The following TMEM232 variants were observed in gnomAD, a reference collection of about 807,000 sequenced individuals.
The protein encoded by TMEM232 is transmembrane protein 232.
TMEM232 carries 80 observed loss-of-function variants against 78.8 expected under a neutral mutation model. That is an observed-to-expected ratio of 1.01 (90% CI 0.85 to 1.22). The LOEUF (loss-of-function observed/expected upper bound fraction) is 1.22. Among genes scored for constraint, TMEM232 ranks in the 50% most tolerant of loss-of-function variants. The pLI is 0.00. For missense variants in TMEM232, 881 were observed against 742.2 expected (o/e 1.19, Z -2.17); for synonymous variants, 297 against 254.3 (o/e 1.17, Z -1.60).
At chr5:110,532,430 A>T (rs1447399911) in intron 11 of TMEM232, among the ~76,000 whole-genome samples, 1 of 150,336 alleles carries the variant, frequency 6.7e-6, no homozygotes, top group Non-Finnish European at 1.5e-5. Context: ...GAGGCTACCC[A>T]CTCCACATTA....
chr5:110,691,416 C>T (rs753206386), intron 1 of TMEM232, among the ~76,000 whole-genome samples: 3 of 152,164 alleles, frequency 2.0e-5, no homozygotes, highest in Non-Finnish European at 2.9e-5. Flanking sequence ...GAAGGAGCTA[C>T]AAAAGGGATG....
At chr5:110,468,409 ATAC>A (rs1762326093) in intron 12 of TMEM232, among the ~76,000 whole-genome samples, 1 of 152,112 alleles carries the variant, frequency 6.6e-6, no homozygotes, top group East Asian at 1.9e-4. Flanking sequence ...GAGTATAGAC[ATAC>A]TACTATAAAA....
chr5:110,431,664 T>C (rs1757866042), intron 12 of TMEM232, among the ~76,000 whole-genome samples: 1 of 148,076 alleles, frequency 6.8e-6, no homozygotes. Flanking sequence ...AGGTGAAGAA[T>C]TTTGCTAGAA....
At chr5:110,571,430 A>G (rs1460426420) in intron 10 of TMEM232, among the ~76,000 whole-genome samples, 1 of 152,010 alleles carries the variant, frequency 6.6e-6, no homozygotes, top group African/African-American at 2.4e-5. Flanking sequence ...TAGGTCAGGA[A>G]TATGGCCCCC....
chr5:110,578,869 C>A (rs567664701), intron 10 of TMEM232, among the ~76,000 whole-genome samples: 1 of 151,760 alleles, frequency 6.6e-6, no homozygotes, highest in Non-Finnish European at 1.5e-5. Context: ...CACACTAAAA[C>A]CAGTAGTAAA....
intron 1 of TMEM232, among the ~76,000 whole-genome samples, chr5:110,725,012 T>G (rs1249102875): frequency 1.3e-5 from 2 of 152,226 alleles, no homozygotes; most frequent in African/African-American, 4.8e-5. Context: ...TTAAAGAGAT[T>G]TGTTTTCTTT....
At chr5:110,707,641 G>T (rs1796062651) in intron 1 of TMEM232, among the ~76,000 whole-genome samples, 2 of 152,188 alleles carry the variant, frequency 1.3e-5, no homozygotes, top group African/African-American at 4.8e-5. Flanking sequence ...CAGAGCCAGT[G>T]GACTAGAGTG....
intron 2 of TMEM232, among the ~76,000 whole-genome samples, chr5:110,648,082 T>C (rs547080043): frequency 6.6e-6 from 1 of 151,630 alleles, no homozygotes; most frequent in African/African-American, 2.4e-5. Context: ...TCCCAATAAA[T>C]AGAAACATGG....
At chr5:110,674,631 T>C (rs1428930300) in intron 1 of TMEM232, among the ~76,000 whole-genome samples, 2 of 152,220 alleles carry the variant, frequency 1.3e-5, no homozygotes, top group African/African-American at 4.8e-5. Flanking sequence ...ATTTCATCTG[T>C]TGGCTGTAGC....
At chr5:110,715,304 AG>A (rs1168105069) in intron 1 of TMEM232, among the ~76,000 whole-genome samples, 1 of 152,176 alleles carries the variant, frequency 6.6e-6, no homozygotes, top group East Asian at 1.9e-4. Flanking sequence ...CATAGGCTGA[AG>A]AAATATAAAT....
intron 5 of TMEM232, among the ~76,000 whole-genome samples, chr5:110,629,440 A>G (rs1784835273): frequency 6.6e-6 from 1 of 152,110 alleles, no homozygotes; most frequent in African/African-American, 2.4e-5. Flanking sequence ...CCAAATTTTT[A>G]TTGACAAATC....
chr5:110,602,506 A>C (rs1379757695), intron 10 of TMEM232, among the ~76,000 whole-genome samples: 1 of 152,220 alleles, frequency 6.6e-6, no homozygotes, highest in Non-Finnish European at 1.5e-5. Flanking sequence ...TATTTAAAAG[A>C]AAACATTTAT....
chr5:110,488,897 C>T (rs894729363), intron 12 of TMEM232, among the ~76,000 whole-genome samples: 5 of 151,708 alleles, frequency 3.3e-5, no homozygotes, highest in Non-Finnish European at 7.4e-5. Flanking sequence ...TTGCATAAAT[C>T]AAAAAGTTTA....
rs1554069154 is a variant in TMEM232, at chr5:110,652,294, G to GCGCGCACACACACACACACA, written c.126-9924_126-9923insTGTGTGTGTGTGTGTGCGCG. On this transcript the variant is annotated intron_variant, in intron 2 of 13. Coordinates refer to ENST00000455884, the MANE Select transcript of TMEM232 (RefSeq NM_001039763.4). ...CAAGCACACAAAAGTGCACGCGCGC[G>GCGCGCACACACACACACACA]CACACACACACACACACACACACAC... Among the ~76,000 whole-genome samples, 980 of 145,430 alleles carry GCGCGCACACACACACACACA rather than the reference G, an allele frequency of 6.7e-3. 7 individuals are homozygous for GCGCGCACACACACACACACA. The highest frequency in any genetic ancestry group is 0.012 in the African/African-American group (453 of 38,912).
chr5:110,620,467 T>A (rs1250277482), intron 7 of TMEM232, among the ~76,000 whole-genome samples: 3 of 152,050 alleles, frequency 2.0e-5, no homozygotes, highest in African/African-American at 7.2e-5. Flanking sequence ...AACCCTTACT[T>A]CCTTAGACTC....
intron 10 of TMEM232, among the ~76,000 whole-genome samples, chr5:110,582,016 G>A (rs569742258): frequency 2.6e-5 from 4 of 151,850 alleles, no homozygotes; most frequent in Admixed American, 6.6e-5. Flanking sequence ...AACAGATTCC[G>A]GCAAAAGTTG....
At chr5:110,611,118 C>A (rs1158970215) in intron 8 of TMEM232, among the ~76,000 whole-genome samples, 1 of 151,928 alleles carries the variant, frequency 6.6e-6, no homozygotes, top group Non-Finnish European at 1.5e-5. Flanking sequence ...AAGGAGAAGA[C>A]AGAACATCTG....
At chr5:110,393,434 A>G (rs1412671169) in intron 3 of TMEM232, among the ~76,000 whole-genome samples, 4 of 152,116 alleles carry the variant, frequency 2.6e-5, no homozygotes, top group Non-Finnish European at 5.9e-5. Flanking sequence ...TTCTCTGCTG[A>G]TATTAATATA....
At chr5:110,692,891 A>C (rs1794302641) in intron 1 of TMEM232, among the ~76,000 whole-genome samples, 1 of 152,216 alleles carries the variant, frequency 6.6e-6, no homozygotes, top group Admixed American at 6.5e-5. Context: ...GGGCACAGAC[A>C]AAGAAAAGGC....
Sources: gnomAD v4.1 joint callset for allele counts (sites outside exome capture counted in the v4.1 genomes callset) on GRCh38, gnomAD v4.1.1 for gene constraint, MANE v1.5 for transcripts, NCBI Gene and HGNC (gene_info 2026-07-23, HGNC 2026-07-21) for gene names.